MYOM1: variants seen among roughly 807,000 people sequenced by gnomAD.
MYOM1 encodes the protein myomesin-1.
Under a neutral mutation model 205.3 loss-of-function variants are expected in MYOM1, and 164 were observed. That is an observed-to-expected ratio of 0.80 (90% confidence interval 0.70 to 0.91). The LOEUF is 0.91. Among genes scored for constraint, MYOM1 ranks in the 40% least tolerant of loss-of-function variants. MYOM1 has a pLI of 0.00. For synonymous variants in MYOM1, 772 were observed against 789.4 expected (o/e 0.98, Z 0.37); for missense variants, 2,011 against 2,127.3 (o/e 0.95, Z 1.08).
At chr18:3,245,225 T>G in the MYOM1 span, among the ~76,000 whole-genome samples, 1 of 152,192 alleles carries the variant, frequency 6.6e-6, no homozygotes, top group Non-Finnish European at 1.5e-5. Flanking sequence ...TTATAGGTAG[T>G]CAAGTATTTC....
intron 19 of MYOM1, among the ~76,000 whole-genome samples, chr18:3,122,303 A>G (rs939115388): frequency 3.9e-5 from 6 of 152,296 alleles, no homozygotes; most frequent in East Asian, 1.9e-4. Flanking sequence ...AAAGTTTCAG[A>G]AAGATAGAAA....
At chr18:3,230,183 T>C in the MYOM1 span, among the ~76,000 whole-genome samples, 1 of 152,202 alleles carries the variant, frequency 6.6e-6, no homozygotes, top group Non-Finnish European at 1.5e-5. Context: ...AGACCTATTG[T>C]GTGCTAGATA....
chr18:3,195,782 CATTT>C (rs1474159034), intron 2 of MYOM1, among the ~76,000 whole-genome samples: 1 of 151,942 alleles, frequency 6.6e-6, no homozygotes, highest in Non-Finnish European at 1.5e-5. Flanking sequence ...TAAAATAATG[CATTT>C]ATTACATAGA....
rs192239682 is a variant in MYOM1, at chr18:3,159,426, A to G, written c.1502-4338T>C. On this transcript the variant is annotated intron_variant, in intron 10 of 37. Coordinates refer to ENST00000356443, the MANE Select transcript of MYOM1 (RefSeq NM_003803.4). ...TCAATGAATACAAAGTTTTTTTAAA[A>G]ATAAAATATTATTTAAGCAATGGCA... Among the ~76,000 whole-genome samples the G allele has an allele frequency of 7.1e-4, 108 of 152,340 alleles. 1 individual carries two copies. Among genetic ancestry groups the G allele is most frequent in the Admixed American group, 1.2e-3 (19 of 15,294 alleles).
At chr18:3,193,532 T>C (rs2080949049) in intron 3 of MYOM1, among the ~76,000 whole-genome samples, 1 of 152,114 alleles carries the variant, frequency 6.6e-6, no homozygotes, top group South Asian at 2.1e-4. Flanking sequence ...GTTTGTCATG[T>C]AACCATCCTA....
At position 3,176,044 on chromosome 18, in the gene MYOM1, A is replaced by G; in HGVS notation, c.1020T>C (p.Asn340=). ...CATGGACACTAATGTTCTCTTACCC[A>G]TTAATCTCCAGAGTGTGCATCCCAT... ...SRYGMHTLEI[N]GCDFEDTAQY... Residue 340 remains asparagine, a splice_region_variant and synonymous_variant, in exon 6 of 38, where the codon AAT becomes AAC. Transcript: ENST00000356443. 2 of 1,575,422 alleles carry G rather than the reference A, an allele frequency of 1.3e-6. No homozygotes were observed. The highest frequency in any genetic ancestry group is 2.2e-5 in the South Asian group (2 of 90,224).
At chr18:3,237,474 C>T in the MYOM1 span, among the ~76,000 whole-genome samples, 1 of 151,746 alleles carries the variant, frequency 6.6e-6, no homozygotes, top group Non-Finnish European at 1.5e-5. Context: ...TGGCGGGCAC[C>T]TGGAATCCCA....
intron 25 of MYOM1, 73 bp from the exon 26 acceptor site, chr18:3,094,379 GAAA>G (rs36091956): frequency 2.0e-3 from 1,615 of 791,584 alleles, no homozygotes; most frequent in Admixed American, 2.3e-3. Flanking sequence ...TCCATCAAGT[GAAA>G]AAAAAAAAAA....
At chr18:3,154,103 G>C (rs1358009050) in intron 11 of MYOM1, among the ~76,000 whole-genome samples, 2 of 151,836 alleles carry the variant, frequency 1.3e-5, no homozygotes, top group Admixed American at 6.6e-5. Flanking sequence ...ATAAGACTTT[G>C]GTAGTATTAC....
chr18:3,089,947 A>T (rs1326689416), intron 27 of MYOM1, among the ~76,000 whole-genome samples: 1 of 152,230 alleles, frequency 6.6e-6, no homozygotes, highest in Non-Finnish European at 1.5e-5. Flanking sequence ...TTCGGCAGGC[A>T]CTACTTTTGC....
intron 10 of MYOM1, among the ~76,000 whole-genome samples, chr18:3,159,263 A>G (rs2080346515): frequency 6.6e-6 from 1 of 152,136 alleles, no homozygotes. Context: ...ATCTTGGCCA[A>G]ATGTGTACAG....
rs149930243 is a variant in MYOM1, at chr18:3,129,495, C to A, written c.2531G>T (p.Cys844Phe). ...AIGGGVSPDV[C>F]PALSDEPGGL... ...ACCAGGCTCATCGCTCAGTGCGGGA[C>A]ACACATCTGGAGACACTCCTCCCCC... Residue 844 changes from cysteine (C) to phenylalanine (F), a missense_variant, in exon 18 of 38, where the codon TGT (cysteine) becomes TTT (phenylalanine). Physicochemically the swap from Cys to Phe is radical, Grantham distance 205 (BLOSUM62 -2). Transcript: ENST00000356443. 9.9e-6 allele frequency: 16 copies of A among 1,613,380 alleles called. No homozygotes were observed. The African/African-American group carries it at 1.5e-4, about 15-fold the overall frequency.
At chr18:3,134,273 A>C (rs1464747990) in intron 16 of MYOM1, among the ~76,000 whole-genome samples, 1 of 152,174 alleles carries the variant, frequency 6.6e-6, no homozygotes, top group African/African-American at 2.4e-5. Flanking sequence ...TGTATCCTAC[A>C]ACTTCAAACT....
chr18:3,135,702 C>T lies in MYOM1; in HGVS notation c.2054G>A (p.Arg685Gln), dbSNP rs371246473. The stretch of plus-strand genomic sequence containing the variant: ...CTTCACAGGGAGCTCCGTGTTCACT[C>T]GCTGCCAGTTTTCTGTTCCTGCCTC... ...KCEAGTENWQRVNTELPVKSP... is the reference protein window; with the variant it reads ...KCEAGTENWQQVNTELPVKSP... The change falls in exon 15 of 38, where the codon CGA (arginine) becomes CAA (glutamine). Residue 685 changes from arginine (R) to glutamine (Q), a missense_variant. Transcript: ENST00000356443. This position sits in a 1 kb window ranked among gnomAD's most constrained non-coding sequence, Gnocchi z 4.1. 5.1e-5 allele frequency: 82 copies of T among 1,613,780 alleles called. No individual in the cohort carries two copies. The highest frequency in any genetic ancestry group is 1.6e-4 in the Middle Eastern group (1 of 6,084).
At chr18:3,079,767 A>G (rs142735143) in intron 33 of MYOM1, among the ~76,000 whole-genome samples, 48 of 152,282 alleles carry the variant, frequency 3.2e-4, no homozygotes, top group Non-Finnish European at 3.5e-4. Flanking sequence ...TAGTCCAAAA[A>G]CACACTTATG....
At chr18:3,151,625 A>G (rs1471862059) in intron 12 of MYOM1, 69 bp downstream of exon 12, 2 of 1,400,030 alleles carry the variant, frequency 1.4e-6, no homozygotes, top group South Asian at 2.8e-5. Flanking sequence ...ACAACCTTGC[A>G]ATGAAGCTGA....
In MYOM1 at chr18:3,188,748, T is replaced by C; in HGVS notation, c.771A>G (p.Thr257=). 6.4e-7 allele frequency: 1 copy of C among 1,566,746 alleles called. No homozygotes were observed. The highest frequency in any genetic ancestry group is 1.4e-5 in the African/African-American group (1 of 73,730). ...GTTACTTTAAACTGTCTTTTCTTAC[T>C]GTTTTCCTCAGGGACAGGCGTTCTG... ...EKAERLSLRK[T]LEETETYHAK... Residue 257 remains threonine, a splice_region_variant and synonymous_variant, in exon 4 of 38, where the codon ACA becomes ACG. Transcript: ENST00000356443.
chr18:3,215,463 G>T (rs1239101767), intron 1 of MYOM1, among the ~76,000 whole-genome samples: 1 of 152,014 alleles, frequency 6.6e-6, no homozygotes, highest in Admixed American at 6.6e-5. Context: ...AATTAGCCGG[G>T]TGTGGTGTGT....
intron 14 of MYOM1, among the ~76,000 whole-genome samples, chr18:3,141,324 C>T (rs1165731404): frequency 6.6e-6 from 1 of 152,224 alleles, no homozygotes; most frequent in African/African-American, 2.4e-5. Context: ...GCCTTCATTG[C>T]ATGCTGTCCT....
Sources: allele counts gnomAD v4.1 joint callset (sites outside exome capture counted in the v4.1 genomes callset), GRCh38; gene constraint gnomAD v4.1.1; non-coding constraint Gnocchi (gnomAD v3.1); transcripts MANE v1.5; gene names NCBI Gene and HGNC (gene_info 2026-07-23, HGNC 2026-07-21).